PALM2AKAP2: variants seen among roughly 807,000 people sequenced by gnomAD.
PALM2AKAP2 encodes the protein PALM2 and AKAP2 fusion.
Under a neutral mutation model 71.5 loss-of-function variants are expected in PALM2AKAP2, and 37 were observed. That is an observed-to-expected ratio of 0.52 (90% confidence interval 0.40 to 0.68). The LOEUF (loss-of-function observed/expected upper bound fraction) is 0.68, where lower values mean the gene tolerates loss of function less well. PALM2AKAP2 is among the 30% of genes least tolerant of loss of function. The probability of loss-of-function intolerance (pLI) is 0.00; values close to 1 mark genes in which losing one functional copy is unlikely to be tolerated. For synonymous variants in PALM2AKAP2, 468 were observed against 478.8 expected (o/e 0.98, Z 0.29); for missense variants, 1,224 against 1,191.8 (o/e 1.03, Z -0.40).
At chr9:109,691,047 G>C (rs888444110) in intron 1 of PALM2AKAP2, among the ~76,000 whole-genome samples, 3 of 152,148 alleles carry the variant, frequency 2.0e-5, no homozygotes, top group African/African-American at 7.2e-5. Context: ...AGGGGCAGTG[G>C]AAGAATTTGC....
intron 7 of PALM2AKAP2, among the ~76,000 whole-genome samples, chr9:110,034,386 G>A (rs960536965): frequency 6.6e-6 from 1 of 152,020 alleles, no homozygotes; most frequent in Non-Finnish European, 1.5e-5. Context: ...TCAAACTCCC[G>A]ACCTCAGGTG....
rs58573716 is a variant in PALM2AKAP2 at position 110,135,172 on chromosome 9, A to AT, written c.157-955_157-954insT. 6.6e-3 allele frequency among the ~76,000 whole-genome samples: 402 copies of AT among 61,050 alleles called. 50 individuals carry two copies. Among genetic ancestry groups the AT allele is most frequent in the Non-Finnish European group, 0.01 (324 of 32,124 alleles). The allele number at this position is 61,050 out of a possible 152,430, so 40.1% of individuals were successfully genotyped here. A position where few individuals can be genotyped will look rare whatever the true frequency, so the allele number is the denominator to read the frequency against. ...CTCTACAAAAAAAAAAAAATATATA[A>AT]ATATATATATATATATAAATCAGCC... On this transcript the variant is annotated intron_variant, in intron 1 of 3. Transcript: ENST00000374525.
In PALM2AKAP2 at chr9:109,767,486, G is replaced by A. The variant is rs1275998578; in HGVS notation, c.6-13002G>A. On this transcript the variant is annotated intron_variant, in intron 1 of 6. Coordinates refer to the PALM2AKAP2 transcript ENST00000374531. ...CACATGAATCCTGCAGGATCTTGCTGGTTTCCCTGCTTACATCTTCTTCCC... is the reference window on the plus strand; with the variant it reads ...CACATGAATCCTGCAGGATCTTGCTAGTTTCCCTGCTTACATCTTCTTCCC... 2.0e-5 allele frequency among the ~76,000 whole-genome samples: 3 copies of A among 152,192 alleles called. No individual in the cohort carries two copies. The East Asian group carries it at 5.8e-4, about 29-fold the overall frequency.
intron 6 of PALM2AKAP2, among the ~76,000 whole-genome samples, chr9:109,951,733 A>G (rs1311558935): frequency 6.6e-6 from 1 of 152,110 alleles, no homozygotes; most frequent in Non-Finnish European, 1.5e-5. Context: ...TCTCCAGGTG[A>G]TTCTGATACA....
At chr9:110,060,665 G>A (rs1007156778) in intron 1 of PALM2AKAP2, among the ~76,000 whole-genome samples, 11 of 152,120 alleles carry the variant, frequency 7.2e-5, no homozygotes, top group African/African-American at 2.4e-4. Context: ...GCAGTGGCGC[G>A]ATCTCGGCTC....
intron 1 of PALM2AKAP2, among the ~76,000 whole-genome samples, chr9:109,863,890 G>A (rs1258937996): frequency 1.3e-5 from 2 of 152,106 alleles, no homozygotes; most frequent in African/African-American, 2.4e-5. Flanking sequence ...GACCAGCCTG[G>A]CCAACATGGC....
chr9:109,869,918 G>A (rs1829561073), intron 2 of PALM2AKAP2, among the ~76,000 whole-genome samples: 1 of 152,142 alleles, frequency 6.6e-6, no homozygotes, highest in South Asian at 2.1e-4. Context: ...AACTTACTAA[G>A]TGGAGGTGAG....
chr9:109,654,031 T>A (rs115679448), intron 1 of PALM2AKAP2, among the ~76,000 whole-genome samples: 1 of 152,206 alleles, frequency 6.6e-6, no homozygotes, highest in South Asian at 2.1e-4. Flanking sequence ...ATGAGATAGA[T>A]AAATGCAATC....
intron 3 of PALM2AKAP2, among the ~76,000 whole-genome samples, chr9:109,881,862 T>C (rs919308804): frequency 6.8e-6 from 1 of 148,038 alleles, no homozygotes; most frequent in South Asian, 2.2e-4. Flanking sequence ...CTCTGTCTTC[T>C]GAGCTTATGA....
At chr9:110,034,604 CTTTTTTTTT>C (rs57708385) in intron 7 of PALM2AKAP2, among the ~76,000 whole-genome samples, 1 of 118,334 alleles carries the variant, frequency 8.5e-6, no homozygotes, top group Non-Finnish European at 1.7e-5. Flanking sequence ...ATATATTCCC[CTTTTTTTTT>C]TTTTTTTTTT....
intron 1 of PALM2AKAP2, among the ~76,000 whole-genome samples, chr9:109,676,437 G>T (rs1297739621): frequency 6.6e-6 from 1 of 152,128 alleles, no homozygotes; most frequent in East Asian, 1.9e-4. Context: ...GATGAAATAT[G>T]ATTACTTCAG....
At chr9:110,003,379 G>A (rs189138823) in intron 6 of PALM2AKAP2, among the ~76,000 whole-genome samples, 17 of 152,080 alleles carry the variant, frequency 1.1e-4, no homozygotes, top group Admixed American at 1.0e-3. Context: ...TAGTTTGATT[G>A]CACTGTGGTC....
chr9:110,006,481 A>T (rs1211117562), intron 6 of PALM2AKAP2, among the ~76,000 whole-genome samples: 2 of 151,796 alleles, frequency 1.3e-5, no homozygotes, highest in African/African-American at 2.4e-5. Context: ...CAGCCTCCCA[A>T]GTAGCTGGGA....
Position 110,159,411 on chromosome 9 carries a change from C to T in PALM2AKAP2, c.2748+2914C>T, listed in dbSNP as rs180728111. Among the ~76,000 whole-genome samples, 5 of 152,238 alleles carry T rather than the reference C, an allele frequency of 3.3e-5. No homozygotes were observed. In the East Asian group the frequency reaches 7.7e-4, roughly 24 times the overall value. On this transcript the variant is annotated intron_variant, in intron 3 of 3. Coordinates refer to ENST00000374525, the Ensembl canonical transcript of PALM2AKAP2. ...GCCACTTGGCAGCATTTTGGCATGC[C>T]GTTTTGGAGATGATAAACCACACCT...
At chr9:109,668,478 A>G (rs1827524648) in intron 1 of PALM2AKAP2, among the ~76,000 whole-genome samples, 1 of 152,272 alleles carries the variant, frequency 6.6e-6, no homozygotes, top group African/African-American at 2.4e-5. Flanking sequence ...CTGTCAAAGC[A>G]TAACTCAGAC....
chr9:110,011,014 A>AAAAAAT (rs35212981), intron 6 of PALM2AKAP2, among the ~76,000 whole-genome samples: 2,193 of 69,140 alleles, frequency 0.032, 92 homozygotes, highest in Admixed American at 0.051. Context: ...AAAAAAAAAA[A>AAAAAAT]ATATATATAT....
chr9:109,935,977 A>G (rs1831209788), intron 6 of PALM2AKAP2, among the ~76,000 whole-genome samples: 1 of 152,198 alleles, frequency 6.6e-6, no homozygotes, highest in Non-Finnish European at 1.5e-5. Flanking sequence ...GCTTGCCTTT[A>G]TTATCCATCA....
At chr9:109,867,115 A>C (rs1490750936) in intron 1 of PALM2AKAP2, 6 of 456,488 alleles carry the variant, frequency 1.3e-5, no homozygotes, top group Non-Finnish European at 2.6e-5. Flanking sequence ...TTGGATTGAG[A>C]CGTTTTTATT....
chr9:110,089,943 A>G (rs1007951417), intron 1 of PALM2AKAP2, among the ~76,000 whole-genome samples: 1 of 152,194 alleles, frequency 6.6e-6, no homozygotes. Context: ...ACAAAAAACC[A>G]CAACTGCCTA....
Sources: allele counts gnomAD v4.1 joint callset (sites outside exome capture counted in the v4.1 genomes callset), GRCh38; gene constraint gnomAD v4.1.1; transcripts MANE v1.5; gene names NCBI Gene and HGNC (gene_info 2026-07-23, HGNC 2026-07-21).